The following GOLGA8M variants were observed in gnomAD, a reference collection of about 807,000 sequenced individuals.
GOLGA8M encodes the protein golgin A8 family member M.
Under a neutral mutation model 87.7 loss-of-function variants are expected in GOLGA8M, and 34 were observed. The observed-to-expected ratio is 0.39, with a 90% confidence interval of 0.29 to 0.52. The LOEUF is 0.52. GOLGA8M is among the 20% of genes least tolerant of loss of function. GOLGA8M has a pLI of 0.80. For synonymous variants in GOLGA8M, 138 were observed against 250.2 expected (o/e 0.55, Z 4.23); for missense variants, 396 against 682.2 (o/e 0.58, Z 4.67).
rs528095764 is a variant in GOLGA8M, at chr15:28,699,079, C to T, written c.*2875G>A. On this transcript the variant is annotated 3_prime_UTR_variant, in exon 19 of 19. Coordinates refer to ENST00000563027, the MANE Select transcript of GOLGA8M (RefSeq NM_001282468.3). ...TTTTAATAGTTATATTATTTTAAAA[C>T]AACTCTTTAAAGTTTTAGAGAAACT... is the stretch of plus-strand genomic sequence containing the variant. Among the ~76,000 whole-genome samples, 57 of 150,130 alleles carry T rather than the reference C, an allele frequency of 3.8e-4. No individual in the cohort carries two copies. The highest frequency in any genetic ancestry group is 1.3e-3 in the African/African-American group (51 of 40,726).
chr15:28,708,630 C>G (rs1259576269), intron 4 of GOLGA8M, among the ~76,000 whole-genome samples: 1 of 148,838 alleles, frequency 6.7e-6, no homozygotes, highest in African/African-American at 2.5e-5. Context: ...AAGTCTGAAT[C>G]TGGAATCTCT....
chr15:28,702,900 C>T, intron 15 of GOLGA8M, 155 bp from the exon 16 acceptor site: 6 of 970,402 alleles, frequency 6.2e-6, no homozygotes, highest in Non-Finnish European at 7.3e-6. Flanking sequence ...CAGACTCGCC[C>T]CCAGGCCCTG....
Position 28,702,574 on chromosome 15 carries a change from C to T in GOLGA8M, c.1470-12G>A, listed in dbSNP as rs576593582. 223 of 1,608,494 alleles carry T rather than the reference C, an allele frequency of 1.4e-4. No homozygotes were observed. The African/African-American group carries it at 2.1e-3, about 15-fold the overall frequency. On this transcript the variant is annotated splice_polypyrimidine_tract_variant and intron_variant, in intron 16 of 18. Coordinates refer to ENST00000563027, the MANE Select transcript of GOLGA8M (RefSeq NM_001282468.3). Reference sequence around the variant, plus strand: ...GGTGATGGATTTTCCTGCGGGAGGACGGGGCTCAGACGCTGGGGCCCCTCC... The same window carrying T: ...GGTGATGGATTTTCCTGCGGGAGGATGGGGCTCAGACGCTGGGGCCCCTCC...
In GOLGA8M at chr15:28,700,510, A is replaced by G. The variant is rs201213847; in HGVS notation, c.*1444T>C. On this transcript the variant is annotated 3_prime_UTR_variant, in exon 19 of 19. Transcript: ENST00000563027. ...GTCTGTGAGAAAATATAACTCTGTG[A>G]TTGTATAGACACGTTTCCTGATAAT... Among the ~76,000 whole-genome samples the G allele has an allele frequency of 4.1e-5, 5 of 120,844 alleles. No individual in the cohort carries two copies. Among genetic ancestry groups the G allele is most frequent in the Non-Finnish European group, 6.7e-5 (4 of 59,804 alleles). The allele number at this position is 120,844 out of a possible 152,430, so 79.3% of individuals were successfully genotyped here.
chr15:28,701,422 A>T lies in GOLGA8M; in HGVS notation c.*532T>A, dbSNP rs1187502544. On this transcript the variant is annotated 3_prime_UTR_variant, in exon 19 of 19. Transcript: ENST00000563027. ...GTTCTTGGCCTTTAAACAACTCTAA[A>T]TGTCAGTACTCATAGTGGCATATTA... is the stretch of plus-strand genomic sequence containing the variant. Among the ~76,000 whole-genome samples the T allele has an allele frequency of 6.6e-6, 1 of 151,706 alleles. No individual in the cohort carries two copies. Among genetic ancestry groups the T allele is most frequent in the Non-Finnish European group, 1.5e-5 (1 of 68,006 alleles).
chr15:28,708,278 TG>T (rs1346829593), intron 5 of GOLGA8M, 96 bp downstream of exon 5: 61 of 1,611,248 alleles, frequency 3.8e-5, no homozygotes, highest in Non-Finnish European at 5.2e-5. Flanking sequence ...GGCCCACCCA[TG>T]GGACCAGGTT....
rs576118690 is a variant in GOLGA8M, at chr15:28,708,028, G to A, written c.406C>T (p.Gln136Ter). ...TCCTCTTTCTGTATGTTCAATGTCT[G>A]GAGTTGAACCTTTGGGAGAAAAGCC... The part of the protein sequence containing the change: ...KAKRVLEVQL[Q>*]TLNIQKEELN... Residue 136 changes from glutamine (Q) to a stop codon, truncating the protein, a stop_gained, in exon 7 of 19, where the codon CAG becomes TAG. Coordinates refer to ENST00000563027, the MANE Select transcript of GOLGA8M (RefSeq NM_001282468.3). LOFTEE classifies it high-confidence loss of function. 10 of 1,591,962 alleles carry A rather than the reference G, an allele frequency of 6.3e-6. No homozygotes were observed. Among genetic ancestry groups the A allele is most frequent in the South Asian group, 1.1e-5 (1 of 90,284 alleles).
chr15:28,707,152 T>C (rs1293096979), intron 8 of GOLGA8M, among the ~76,000 whole-genome samples: 1 of 135,922 alleles, frequency 7.4e-6, no homozygotes. Context: ...TATCCAATTC[T>C]CTAAGCCCGT....
At chr15:28,704,003 G>T in intron 13 of GOLGA8M, 86 bp from the exon 14 acceptor site, 2 of 1,575,260 alleles carry the variant, frequency 1.3e-6, no homozygotes, top group Non-Finnish European at 8.5e-7. Flanking sequence ...CCCTCCCCTG[G>T]GTCTCCTGCA....
Position 28,700,706 on chromosome 15 carries a change from A to G in GOLGA8M, c.*1248T>C, listed in dbSNP as rs972208949. 1.7e-4 allele frequency among the ~76,000 whole-genome samples: 26 copies of G among 151,848 alleles called. No homozygotes were observed. Among genetic ancestry groups the G allele is most frequent in the African/African-American group, 6.0e-4 (25 of 41,378 alleles). On this transcript the variant is annotated 3_prime_UTR_variant, in exon 19 of 19. Coordinates refer to ENST00000563027, the MANE Select transcript of GOLGA8M (RefSeq NM_001282468.3). The stretch of plus-strand genomic sequence containing the variant: ...TATAATAATGTTTCTATTATTTTTT[A>G]AAGTGTTTTCCATTCAAGGAAAAAG...
chr15:28,702,307 T>C lies in GOLGA8M; in HGVS notation c.1630A>G (p.Arg544Gly). Residue 544 changes from arginine (R) to glycine (G), a missense_variant, in exon 18 of 19, where the codon AGA becomes GGA. Coordinates refer to ENST00000563027, the MANE Select transcript of GOLGA8M (RefSeq NM_001282468.3). Reference sequence around the variant, plus strand: ...TTGTGGGCAGCGGCCAGGAATTTTCTGTGCCCATTGTTGTAGTTGCTGTAA... The same window carrying C: ...TTGTGGGCAGCGGCCAGGAATTTTCCGTGCCCATTGTTGTAGTTGCTGTAA... ...AAYSNYNNGH[R>G]KFLAAAHNSA... 1 of 1,532,772 alleles carries C rather than the reference T, an allele frequency of 6.5e-7. No homozygotes were observed. The highest frequency in any genetic ancestry group is 1.2e-5 in the South Asian group (1 of 84,124). 94.9% of individuals were successfully genotyped at this position (1,532,772 alleles called of 1,614,324 possible). A position where few individuals can be genotyped will look rare whatever the true frequency, so the allele number is the denominator to read the frequency against.
chr15:28,707,890 G>A (rs1489771939), intron 7 of GOLGA8M, 33 bp from the exon 8 acceptor site: 1 of 1,576,412 alleles, frequency 6.3e-7, no homozygotes, highest in Non-Finnish European at 8.5e-7. Flanking sequence ...GGGCCCAAAG[G>A]ACTCCCCCTG....
Position 28,702,284 on chromosome 15 carries a change from G to A in GOLGA8M, c.1653C>T (p.His551=), listed in dbSNP as rs1429423249. 3.9e-6 allele frequency: 6 copies of A among 1,547,790 alleles called. No individual in the cohort carries two copies. In the African/African-American group the frequency reaches 4.3e-5, roughly 11 times the overall value. Reference sequence around the variant, plus strand: ...CTGGACCGGGCTCATCAGCAGAGTTGTGGGCAGCGGCCAGGAATTTTCTGT... The same window carrying A: ...CTGGACCGGGCTCATCAGCAGAGTTATGGGCAGCGGCCAGGAATTTTCTGT... ...NGHRKFLAAA[H]NSADEPGPGA... is the part of the protein sequence containing the mutation. The change falls in exon 18 of 19, where the codon CAC becomes CAT. Residue 551 remains histidine, a synonymous_variant. Coordinates refer to ENST00000563027, the MANE Select transcript of GOLGA8M (RefSeq NM_001282468.3).
At chr15:28,702,782 A>G (rs1187031363) in intron 15 of GOLGA8M, 37 bp from the exon 16 acceptor site, 1 of 1,591,882 alleles carries the variant, frequency 6.3e-7, no homozygotes, top group South Asian at 1.1e-5. Context: ...CTCGGCAGCG[A>G]CCTGCCCTCA....
Position 28,700,980 on chromosome 15 carries a change from G to A in GOLGA8M, c.*974C>T, listed in dbSNP as rs1205726052. Among the ~76,000 whole-genome samples, 4 of 152,112 alleles carry A rather than the reference G, an allele frequency of 2.6e-5. No individual in the cohort carries two copies. Among genetic ancestry groups the A allele is most frequent in the African/African-American group, 9.7e-5 (4 of 41,424 alleles). ...AATACATTAAGAAGAATGCCAACCA[G>A]TGTCCTTTTGTGTACTGGGACATGT... On this transcript the variant is annotated 3_prime_UTR_variant, in exon 19 of 19. Transcript: ENST00000563027.
At position 28,702,621 on chromosome 15, in the gene GOLGA8M, G is replaced by A. The variant is rs551269632; in HGVS notation, c.1469+24C>T. The A allele has an allele frequency of 8.8e-5, 141 of 1,610,418 alleles. No individual in the cohort carries two copies. The African/African-American group carries it at 1.7e-3, about 20-fold the overall frequency. ...CTCCGACGGTCCTGCAGCTCCCCCT[G>A]CCGTGCCCTGGCCTCCCACTCACTG... On this transcript the variant is annotated intron_variant, in intron 16 of 18. Coordinates refer to ENST00000563027, the MANE Select transcript of GOLGA8M (RefSeq NM_001282468.3).
chr15:28,711,738 T>C (rs2080201296), intron 1 of GOLGA8M: 1 of 984,974 alleles, frequency 1.0e-6, no homozygotes, highest in Non-Finnish European at 1.2e-6. Context: ...CTCCTCCTGG[T>C]CGGGGGGAGG....
intron 8 of GOLGA8M, 110 bp from the exon 9 acceptor site, chr15:28,706,809 T>C (rs1363878103): frequency 1.9e-6 from 2 of 1,029,042 alleles, no homozygotes; most frequent in Non-Finnish European, 1.4e-6. Context: ...TCAGTAAAGA[T>C]CAAGGCATTT....
rs533663863 is a variant in GOLGA8M, at chr15:28,701,525, T to C, written c.*429A>G. Among the ~76,000 whole-genome samples the C allele has an allele frequency of 1.4e-3, 211 of 150,588 alleles. 2 individuals carry two copies. The highest frequency in any genetic ancestry group is 3.4e-3 in the Middle Eastern group (1 of 294). ...AGAGCTCACTGTGATTAAGATTAGA[T>C]CAAACAACAGCAGAACATAGGCAAA... is the stretch of plus-strand genomic sequence containing the variant. On this transcript the variant is annotated 3_prime_UTR_variant, in exon 19 of 19. Transcript: ENST00000563027.
Sources: gnomAD v4.1 joint callset for allele counts (sites outside exome capture counted in the v4.1 genomes callset) on GRCh38, gnomAD v4.1.1 for gene constraint, MANE v1.5 for transcripts, NCBI Gene and HGNC (gene_info 2026-07-23, HGNC 2026-07-21) for gene names.